The following COL28A1 variants were observed in gnomAD, a reference collection of about 807,000 sequenced individuals.
The protein encoded by COL28A1 is collagen type XXVIII alpha 1 chain.
A neutral mutation model predicts 150.2 loss-of-function variants in COL28A1; 161 were observed. That is an observed-to-expected ratio of 1.07 (90% CI 0.94 to 1.22). The LOEUF is 1.22. Ranked by LOEUF, COL28A1 falls within the 50% of genes most tolerant of loss-of-function variation. COL28A1 has a pLI of 0.00. For synonymous variants in COL28A1, 552 were observed against 469.7 expected (o/e 1.18, Z -2.26); for missense variants, 1,617 against 1,388.3 (o/e 1.16, Z -2.62).
At chr7:7,405,102 A>T (rs1194501813) in intron 27 of COL28A1, among the ~76,000 whole-genome samples, 1 of 152,206 alleles carries the variant, frequency 6.6e-6, no homozygotes, top group Non-Finnish European at 1.5e-5. Flanking sequence ...TTGTACAACT[A>T]GCAAGGATTG....
intron 4 of COL28A1, among the ~76,000 whole-genome samples, chr7:7,522,920 T>C (rs1362111830): frequency 1.3e-5 from 2 of 151,222 alleles, no homozygotes; most frequent in Non-Finnish European, 2.9e-5. Flanking sequence ...GGGCTGCATG[T>C]AGCCTGTGGG....
chr7:7,355,929 TAGG>T (rs1780342339), downstream of COL28A1, among the ~76,000 whole-genome samples: 1 of 152,004 alleles, frequency 6.6e-6, no homozygotes, highest in African/African-American at 2.4e-5. Flanking sequence ...GAAAATGAAA[TAGG>T]AGAACTTAAC....
intron 3 of COL28A1, among the ~76,000 whole-genome samples, chr7:7,527,154 T>C (rs1439663992): frequency 6.6e-6 from 1 of 152,214 alleles, no homozygotes; most frequent in Non-Finnish European, 1.5e-5. Context: ...AATTTATATT[T>C]CTATGGAAAC....
rs1375925661 is a variant in COL28A1 at position 7,401,895 on chromosome 7, T to G, written c.2136+15964A>C. ...TTCCTCAAATATGGCAGGCATGGAT[T>G]CTTATTCCAATCCCTAATTGAGAAC... On this transcript the variant is annotated intron_variant, in intron 27 of 34. Transcript: ENST00000399429. 3.3e-5 allele frequency among the ~76,000 whole-genome samples: 5 copies of G among 152,296 alleles called. No individual in the cohort carries two copies. In the Middle Eastern group the frequency reaches 0.014, roughly 414 times the overall value.
chr7:7,340,050 G>A, the COL28A1 span, among the ~76,000 whole-genome samples: 1 of 152,002 alleles, frequency 6.6e-6, no homozygotes, highest in Non-Finnish European at 1.5e-5. Flanking sequence ...GAGTACAATG[G>A]TGTGATCTCG....
At chr7:7,401,333 A>C (rs998704055) in intron 27 of COL28A1, among the ~76,000 whole-genome samples, 5 of 151,972 alleles carry the variant, frequency 3.3e-5, no homozygotes, top group Admixed American at 6.6e-5. Flanking sequence ...AAGACTTTAA[A>C]TACCATCTAT....
Position 7,436,396 on chromosome 7 carries a change from T to C in COL28A1, c.1859A>G (p.Lys620Arg). Residue 620 changes from lysine (K) to arginine (R), a missense_variant and splice_region_variant, in exon 23 of 35, where the codon AAG (lysine) becomes AGG (arginine). Transcript: ENST00000399429. ...GEPGLSIRGPKGVQGPRGPVG... is the reference protein window; with the variant it reads ...GEPGLSIRGPRGVQGPRGPVG... ...AAAAAGAACATGAATAAAGCATACC[T>C]TTGGTCCTCGAATAGAAAGTCCAGG... is the stretch of plus-strand genomic sequence containing the variant. The C allele has an allele frequency of 7.6e-7, 1 of 1,320,344 alleles. No individual in the cohort carries two copies. Among genetic ancestry groups the C allele is most frequent in the Non-Finnish European group, 1.1e-6 (1 of 911,502 alleles). 81.8% of individuals were successfully genotyped at this position (1,320,344 alleles called of 1,614,324 possible).
At chr7:7,474,403 T>C (rs1013903874) in intron 15 of COL28A1, among the ~76,000 whole-genome samples, 198 bp downstream of exon 15, 2 of 152,018 alleles carry the variant, frequency 1.3e-5, no homozygotes, top group African/African-American at 2.4e-5. Flanking sequence ...AACTTACTCA[T>C]GTAACCTATC....
At chr7:7,508,226 T>C (rs918461680) in intron 9 of COL28A1, among the ~76,000 whole-genome samples, 7 of 149,786 alleles carry the variant, frequency 4.7e-5, no homozygotes, top group African/African-American at 7.4e-5. Context: ...AGCGAGACTC[T>C]GTCTCAAAAA....
intron 33 of COL28A1, among the ~76,000 whole-genome samples, chr7:7,360,908 A>C (rs1018568198): frequency 6.6e-6 from 1 of 152,196 alleles, no homozygotes; most frequent in Non-Finnish European, 1.5e-5. Context: ...GAAAATAACC[A>C]CTCATTTCTT....
chr7:7,485,877 AG>A (rs1451633656), intron 13 of COL28A1, among the ~76,000 whole-genome samples: 1 of 152,186 alleles, frequency 6.6e-6, no homozygotes, highest in Non-Finnish European at 1.5e-5. Context: ...TCTTAAGACC[AG>A]AAAAGTTAGT....
chr7:7,384,413 T>C (rs772106323), intron 27 of COL28A1, among the ~76,000 whole-genome samples: 8 of 152,194 alleles, frequency 5.3e-5, no homozygotes, highest in Admixed American at 2.6e-4. Context: ...TGTACTTTCA[T>C]TTCCCATGGT....
At chr7:7,395,961 A>G (rs1446012207) in intron 27 of COL28A1, among the ~76,000 whole-genome samples, 1 of 152,216 alleles carries the variant, frequency 6.6e-6, no homozygotes, top group East Asian at 1.9e-4. Context: ...TAGTGGGTTA[A>G]TAACAGTTAA....
chr7:7,436,274 A>G, intron 23 of COL28A1, 121 bp downstream of exon 23: 1 of 714,576 alleles, frequency 1.4e-6, no homozygotes, highest in Non-Finnish European at 2.5e-6. Flanking sequence ...GAATAGCTAT[A>G]TTCTTACATT....
At chr7:7,410,470 A>G (rs1232999246) in intron 27 of COL28A1, among the ~76,000 whole-genome samples, 1 of 152,168 alleles carries the variant, frequency 6.6e-6, no homozygotes, top group Non-Finnish European at 1.5e-5. Context: ...GAATTTCAAA[A>G]TTACAATAAG....
chr7:7,538,686 T>C (rs1782727445), upstream of COL28A1, among the ~76,000 whole-genome samples: 1 of 152,162 alleles, frequency 6.6e-6, no homozygotes, highest in Admixed American at 6.5e-5. Flanking sequence ...ACAAGTCTGC[T>C]AGGACTTACA....
At chr7:7,490,218 T>C (rs1159838043) in intron 12 of COL28A1, among the ~76,000 whole-genome samples, 1 of 152,194 alleles carries the variant, frequency 6.6e-6, no homozygotes, top group African/African-American at 2.4e-5. Flanking sequence ...CCCTTTATGC[T>C]TATTCAATGT....
At chr7:7,500,257 A>C (rs1342746813) in intron 11 of COL28A1, among the ~76,000 whole-genome samples, 1 of 152,202 alleles carries the variant, frequency 6.6e-6, no homozygotes, top group Non-Finnish European at 1.5e-5. Context: ...AACTGCCCAC[A>C]TAACCTGTCT....
At chr7:7,465,033 T>C (rs1480512782) in intron 15 of COL28A1, among the ~76,000 whole-genome samples, 1 of 152,108 alleles carries the variant, frequency 6.6e-6, no homozygotes, top group African/African-American at 2.4e-5. Flanking sequence ...TATGAACACC[T>C]TTATGCGCAT....
Sources: gnomAD v4.1 joint callset for allele counts (sites outside exome capture counted in the v4.1 genomes callset) on GRCh38, gnomAD v4.1.1 for gene constraint, MANE v1.5 for transcripts, NCBI Gene and HGNC (gene_info 2026-07-23, HGNC 2026-07-21) for gene names.